GSE1: variants seen among roughly 807,000 people sequenced by gnomAD.
GSE1 encodes Gse1 coiled-coil protein, also known as genetic suppressor element 1.
A neutral mutation model predicts 112.6 loss-of-function variants in GSE1; 32 were observed. The ratio of observed to expected loss-of-function variants is 0.28; its 90% confidence interval spans 0.21 to 0.38. The LOEUF is 0.38. Among genes scored for constraint, GSE1 ranks in the 10% least tolerant of loss-of-function variants. GSE1 has a pLI of 1.00. For missense variants in GSE1, 2,348 were observed against 1,699.2 expected, an observed-to-expected ratio of 1.38 and a Z score of -6.71; for synonymous variants, 1,115 against 735.6, an observed-to-expected ratio of 1.52 and a Z score of -8.35.
intron 2 of GSE1, among the ~76,000 whole-genome samples, chr16:85,431,678 G>C (rs1228999755): frequency 1.3e-5 from 2 of 152,066 alleles, no homozygotes; most frequent in African/African-American, 4.8e-5. Flanking sequence ...CCTTCGGAGC[G>C]AAGCTCCACC....
At chr16:85,197,519 C>G (rs185877044) in intron 1 of GSE1, among the ~76,000 whole-genome samples, 25 of 152,308 alleles carry the variant, frequency 1.6e-4, no homozygotes, top group Non-Finnish European at 2.4e-4. Flanking sequence ...AGCCTAGGGC[C>G]TAAAACCCAA....
rs759238687 is a variant in GSE1 at position 85,655,007 on chromosome 16, C to A, written c.797+16C>A. On this transcript the variant is annotated intron_variant, in intron 5 of 15. Coordinates refer to ENST00000253458, the MANE Select transcript of GSE1 (RefSeq NM_014615.5). Reference sequence around the variant, plus strand: ...CGGCCTTCAGGTGAGGCATCCCCCACGCGCCCTCTCGTCTAGGTGCTGGCC... The same window carrying A: ...CGGCCTTCAGGTGAGGCATCCCCCAAGCGCCCTCTCGTCTAGGTGCTGGCC... 4 of 1,485,690 alleles carry A rather than the reference C, an allele frequency of 2.7e-6. No individual in the cohort carries two copies. The highest frequency in any genetic ancestry group is 3.7e-6 in the Non-Finnish European group (4 of 1,083,316). The allele number at this position is 1,485,690 out of a possible 1,614,324, so 92.0% of individuals were successfully genotyped here.
rs35293678 is a variant in GSE1 at position 85,269,447 on chromosome 16, A to AGTGT, written c.2284-87998_2284-87995dup. Among the ~76,000 whole-genome samples the AGTGT allele has an allele frequency of 1.3e-3, 197 of 146,306 alleles. 11 individuals are homozygous for AGTGT. Among genetic ancestry groups the AGTGT allele is most frequent in the Non-Finnish European group, 1.8e-3 (119 of 64,610 alleles). On this transcript the variant is annotated intron_variant, in intron 1 of 2. Coordinates refer to the GSE1 transcript ENST00000637419. ...GTTAGCATGAGTGTGTGGGTGTGTG[A>AGTGT]GTGTGTGTGTGTGTGTGTGTGAGTG...
At chr16:85,649,442 TTG>T (rs769132457) in intron 3 of GSE1, among the ~76,000 whole-genome samples, 14 of 152,278 alleles carry the variant, frequency 9.2e-5, no homozygotes, top group Non-Finnish European at 1.3e-4. Flanking sequence ...CTGGTGGGTT[TTG>T]TGTTTCTGTC....
chr16:85,279,365 T>C (rs796571198), intron 1 of GSE1, among the ~76,000 whole-genome samples: 6 of 152,340 alleles, frequency 3.9e-5, no homozygotes, highest in African/African-American at 1.4e-4. Context: ...CCCAGTACTC[T>C]GGGAGGCCAA....
intron 1 of GSE1, among the ~76,000 whole-genome samples, chr16:85,224,229 C>G (rs998309885): frequency 7.7e-6 from 1 of 129,756 alleles, no homozygotes; most frequent in African/African-American, 2.9e-5. Flanking sequence ...GAAGGATGCG[C>G]ATGAAAAGCG....
intron 2 of GSE1, among the ~76,000 whole-genome samples, chr16:85,469,552 C>T (rs952516127): frequency 5.9e-5 from 9 of 152,170 alleles, no homozygotes; most frequent in African/African-American, 1.7e-4. Context: ...TACTAGGACA[C>T]GGGCATCACC....
chr16:85,255,305 G>A (rs1255446939), intron 1 of GSE1, among the ~76,000 whole-genome samples: 3 of 152,186 alleles, frequency 2.0e-5, no homozygotes, highest in African/African-American at 7.2e-5. Flanking sequence ...CCAGCTGCCG[G>A]CCCAGCCTGA....
At position 85,673,242 on chromosome 16, in the gene GSE1, C is replaced by CCAGATTGTTACTA. The variant is rs2053483184; in HGVS notation, c.*707_*719dup. 6.6e-6 allele frequency: 1 copy of CCAGATTGTTACTA among 152,378 alleles called. No homozygotes were observed. The highest frequency in any genetic ancestry group is 2.1e-4 in the South Asian group (1 of 4,816). The allele number at this position is 152,378 out of a possible 1,614,324, so 9.4% of individuals were successfully genotyped here. A position where few individuals can be genotyped will look rare whatever the true frequency, so the allele number is the denominator to read the frequency against. ...CTGTGTATACACAGCTTCACACCCACCAGATTGTTACTACAGTGGGTTGGG... is the reference window on the plus strand; with the variant it reads ...CTGTGTATACACAGCTTCACACCCACCAGATTGTTACTACAGATTGTTACTACAGTGGGTTGGG... On this transcript the variant is annotated 3_prime_UTR_variant, in exon 16 of 16. Coordinates refer to ENST00000253458, the MANE Select transcript of GSE1 (RefSeq NM_014615.5).
intron 2 of GSE1, among the ~76,000 whole-genome samples, chr16:85,549,326 G>A (rs13332576): frequency 0.22 from 33,399 of 151,816 alleles, 4,196 homozygotes; most frequent in South Asian, 0.39. Flanking sequence ...AGGCACACAC[G>A]CCACTAAACC....
At chr16:85,222,411 G>A (rs1354987464) in intron 1 of GSE1, among the ~76,000 whole-genome samples, 2 of 152,210 alleles carry the variant, frequency 1.3e-5, no homozygotes, top group African/African-American at 4.8e-5. Context: ...GTGAAATGGG[G>A]TCGGCACATT....
chr16:85,396,706 G>A (rs1307155698), intron 2 of GSE1, among the ~76,000 whole-genome samples: 4 of 152,364 alleles, frequency 2.6e-5, no homozygotes, highest in South Asian at 4.1e-4. Flanking sequence ...ATGTCCGGAC[G>A]CTACACAAGT....
rs541695681 is a variant in GSE1 at position 85,280,564 on chromosome 16, T to G, written c.2284-76899T>G. On this transcript the variant is annotated intron_variant, in intron 1 of 2. Coordinates refer to the GSE1 transcript ENST00000637419. The stretch of plus-strand genomic sequence containing the variant: ...GCGCCCGCCACCATACCTGGCCAAT[T>G]TTTGTGTCTTTAGTAGAGACGGGAT... Among the ~76,000 whole-genome samples the G allele has an allele frequency of 1.6e-4, 24 of 152,196 alleles. No homozygotes were observed. The South Asian group carries it at 3.1e-3, about 20-fold the overall frequency.
chr16:85,610,411 G>A (rs2047914733), upstream of GSE1, among the ~76,000 whole-genome samples: 2 of 152,238 alleles, frequency 1.3e-5, no homozygotes, highest in Admixed American at 1.3e-4. Flanking sequence ...GAAGAGAGAG[G>A]AGGAGGAGCA....
chr16:85,615,228 G>A (rs2048298727), intron 1 of GSE1, among the ~76,000 whole-genome samples: 1 of 152,242 alleles, frequency 6.6e-6, no homozygotes, highest in Non-Finnish European at 1.5e-5. Flanking sequence ...AGGGGCCCAG[G>A]GCGCAGGCTC....
chr16:85,404,168 C>CG (rs2048193346), intron 2 of GSE1, among the ~76,000 whole-genome samples: 1 of 114,580 alleles, frequency 8.7e-6, no homozygotes, highest in African/African-American at 3.6e-5. Context: ...TCAGGGCCCC[C>CG]CGGATAATCC....
intron 1 of GSE1, among the ~76,000 whole-genome samples, chr16:85,598,332 G>A (rs532875098): frequency 3.3e-5 from 5 of 152,214 alleles, no homozygotes; most frequent in Non-Finnish European, 7.4e-5. Context: ...CGGGTGGGCT[G>A]CCCACGAGAG....
In GSE1 at chr16:85,605,795, C is replaced by G. The variant is rs754693863; in HGVS notation, c.38-42757C>G. ...GTGGTAGAGAGGGTGCTGCCCGTAG[C>G]GAGCCGGATAAACTGAAGACCGCAT... is the stretch of plus-strand genomic sequence containing the variant. On this transcript the variant is annotated intron_variant, in intron 1 of 2. Coordinates refer to the GSE1 transcript ENST00000635906. Among the ~76,000 whole-genome samples the G allele has an allele frequency of 9.2e-5, 14 of 152,044 alleles. No individual in the cohort carries two copies. The East Asian group carries it at 2.1e-3, about 23-fold the overall frequency.
Position 85,655,899 on chromosome 16 carries a change from C to G in GSE1, c.971C>G (p.Ser324Cys), listed in dbSNP as rs780624073. The change falls in exon 6 of 16, where the codon TCT becomes TGT. Residue 324 changes from serine (S) to cysteine (C), a missense_variant. Physicochemically the swap from Ser to Cys is moderately radical, Grantham distance 112 (BLOSUM62 -1). Transcript: ENST00000253458. Reference protein sequence around the residue: ...SLAALHSERMSGLSAERLQMD... With the variant: ...SLAALHSERMCGLSAERLQMD... ...GCAGCGCTGCACTCGGAGCGCATGT[C>G]TGGCCTCAGCGCGGAGAGGTAAGTG... 3.1e-6 allele frequency: 5 copies of G among 1,604,436 alleles called. No homozygotes were observed. The highest frequency in any genetic ancestry group is 3.3e-5 in the Admixed American group (2 of 59,968).
Sources: gnomAD v4.1 joint callset for allele counts (sites outside exome capture counted in the v4.1 genomes callset) on GRCh38, gnomAD v4.1.1 for gene constraint, MANE v1.5 for transcripts, NCBI Gene and HGNC (gene_info 2026-07-23, HGNC 2026-07-21) for gene names.